Variants in MACROD2 observed in about 807,000 individuals in gnomAD.
MACROD2 encodes the protein mono-ADP ribosylhydrolase 2.
MACROD2 carries 36 observed loss-of-function variants against 70.4 expected under a neutral mutation model. The observed-to-expected ratio is 0.51, with a 90% CI of 0.39 to 0.68. MACROD2 has a LOEUF of 0.68. Ranked by LOEUF, MACROD2 falls within the 30% of genes least tolerant of loss-of-function variation. MACROD2 has a pLI of 0.00. For missense variants in MACROD2, 496 were observed against 538.4 expected (o/e 0.92, Z 0.78); for synonymous variants, 172 against 178.8 (o/e 0.96, Z 0.30).
At chr20:15,110,286 A>T (rs2075944615) in intron 5 of MACROD2, among the ~76,000 whole-genome samples, 1 of 152,124 alleles carries the variant, frequency 6.6e-6, no homozygotes, top group Non-Finnish European at 1.5e-5. Context: ...TGGTTTCCTC[A>T]ATCATGTTTA....
At chr20:15,353,198 A>G (rs1182938120) in intron 6 of MACROD2, among the ~76,000 whole-genome samples, 31 of 151,864 alleles carry the variant, frequency 2.0e-4, no homozygotes, top group Non-Finnish European at 3.7e-4. Flanking sequence ...AAATAATGCC[A>G]CATATCTACA....
intron 8 of MACROD2, among the ~76,000 whole-genome samples, chr20:15,860,697 T>G (rs1182724515): frequency 6.6e-6 from 1 of 152,222 alleles, no homozygotes; most frequent in African/African-American, 2.4e-5. Flanking sequence ...AAATCCCCTT[T>G]CTTTCTAAAG....
intron 10 of MACROD2, among the ~76,000 whole-genome samples, chr20:15,898,559 A>AC (rs1568625918): frequency 6.7e-6 from 1 of 149,958 alleles, no homozygotes; most frequent in Non-Finnish European, 1.5e-5. Context: ...TAAAAAAAAA[A>AC]AAAAAAAAAA....
chr20:14,871,879 C>A (rs1195269491), intron 5 of MACROD2, among the ~76,000 whole-genome samples: 3 of 152,052 alleles, frequency 2.0e-5, no homozygotes, highest in Non-Finnish European at 2.9e-5. Context: ...ATCCCAGTTT[C>A]TGACAAAATG....
intron 6 of MACROD2, among the ~76,000 whole-genome samples, chr20:15,345,444 A>G (rs1045039863): frequency 2.6e-5 from 4 of 152,230 alleles, no homozygotes; most frequent in South Asian, 2.1e-4. Flanking sequence ...TAGGACCAGC[A>G]TAATGGATAT....
At chr20:15,225,426 A>C (rs1310124994) in intron 5 of MACROD2, among the ~76,000 whole-genome samples, 1 of 152,210 alleles carries the variant, frequency 6.6e-6, no homozygotes, top group African/African-American at 2.4e-5. Flanking sequence ...TTGAACATCA[A>C]AAAATAAAAG....
chr20:15,001,314 A>G (rs2074993539), intron 5 of MACROD2, among the ~76,000 whole-genome samples: 1 of 152,178 alleles, frequency 6.6e-6, no homozygotes, highest in African/African-American at 2.4e-5. Context: ...GACTGAGTAT[A>G]CAGGACTTCA....
At chr20:15,071,909 A>G (rs1412476133) in intron 5 of MACROD2, among the ~76,000 whole-genome samples, 2 of 152,058 alleles carry the variant, frequency 1.3e-5, no homozygotes, top group Non-Finnish European at 2.9e-5. Flanking sequence ...CATTTCTTCT[A>G]TTATTGTGAT....
intron 5 of MACROD2, among the ~76,000 whole-genome samples, chr20:14,802,858 A>AT (rs151210586): frequency 2.6e-5 from 4 of 150,948 alleles, no homozygotes; most frequent in South Asian, 2.1e-4. Flanking sequence ...TCTGCAAAAG[A>AT]TTTTTTTTTC....
intron 6 of MACROD2, among the ~76,000 whole-genome samples, chr20:15,415,368 TC>T (rs2046132371): frequency 6.6e-6 from 1 of 152,204 alleles, no homozygotes. Context: ...AAAATGTTCC[TC>T]AATTACATTA....
intron 4 of MACROD2, among the ~76,000 whole-genome samples, chr20:14,498,092 A>G (rs1340331372): frequency 6.6e-6 from 1 of 151,734 alleles, no homozygotes; most frequent in Non-Finnish European, 1.5e-5. Context: ...ACTTGCAGAG[A>G]GGATTCATTA....
At position 14,891,927 on chromosome 20, in the gene MACROD2, A is replaced by G. The variant is rs114956814; in HGVS notation, c.418+206968A>G. Among the ~76,000 whole-genome samples the G allele has an allele frequency of 4.3e-3, 648 of 152,280 alleles. 4 individuals carry two copies. The highest frequency in any genetic ancestry group is 0.015 in the African/African-American group (618 of 41,556). On this transcript the variant is annotated intron_variant, in intron 5 of 17. Transcript: ENST00000684519. The stretch of plus-strand genomic sequence containing the variant: ...TGTCCTCCCCTCTCTCCTCATCAAT[A>G]AGATGAATATATGTTTATAGAAAAA...
chr20:15,543,600 TA>T (rs11087138), intron 8 of MACROD2, among the ~76,000 whole-genome samples: 15,235 of 146,346 alleles, frequency 0.1, 790 homozygotes, highest in East Asian at 0.17. Context: ...AACCTCCTCT[TA>T]AAAAAAAAAA....
intron 5 of MACROD2, among the ~76,000 whole-genome samples, chr20:14,751,961 C>G (rs1176557616): frequency 2.0e-5 from 3 of 151,908 alleles, no homozygotes; most frequent in African/African-American, 4.8e-5. Context: ...TAGGAAATAC[C>G]CTCTTCCTGT....
chr20:14,216,450 A>G (rs1488199178), intron 3 of MACROD2, among the ~76,000 whole-genome samples: 1 of 151,844 alleles, frequency 6.6e-6, no homozygotes, highest in Non-Finnish European at 1.5e-5. Context: ...ATGCCTTCAG[A>G]TTTGTTCTTT....
chr20:14,814,446 C>A (rs2072750564), intron 5 of MACROD2, among the ~76,000 whole-genome samples: 1 of 151,874 alleles, frequency 6.6e-6, no homozygotes, highest in African/African-American at 2.4e-5. Context: ...AGGGAGTTAG[C>A]AGATATTTTA....
chr20:15,430,551 A>G (rs1306914005), intron 6 of MACROD2, among the ~76,000 whole-genome samples: 2 of 152,040 alleles, frequency 1.3e-5, no homozygotes, highest in Admixed American at 1.3e-4. Flanking sequence ...ACCACTTTCT[A>G]TAGCTAGAAA....
At chr20:14,605,233 A>C (rs1982726682) in intron 4 of MACROD2, among the ~76,000 whole-genome samples, 1 of 152,126 alleles carries the variant, frequency 6.6e-6, no homozygotes. Context: ...AGGAGTCTGA[A>C]ACCAAGGTGT....
intron 6 of MACROD2, among the ~76,000 whole-genome samples, chr20:15,369,566 A>T (rs2146259632): frequency 1.3e-5 from 2 of 152,332 alleles, no homozygotes; most frequent in South Asian, 4.1e-4. Context: ...AATTACAAAG[A>T]AATTCCTTAG....
Sources: gnomAD v4.1 joint callset for allele counts (sites outside exome capture counted in the v4.1 genomes callset) on GRCh38, gnomAD v4.1.1 for gene constraint, MANE v1.5 for transcripts, NCBI Gene and HGNC (gene_info 2026-07-23, HGNC 2026-07-21) for gene names.